CFH: variants seen among roughly 807,000 people sequenced by gnomAD.
The protein encoded by CFH is H factor 1 (complement).
A neutral mutation model predicts 147.3 loss-of-function variants in CFH; 53 were observed. The observed-to-expected ratio is 0.36, with a 90% CI of 0.29 to 0.45. The LOEUF is 0.45. CFH is among the 20% of genes least tolerant of loss of function. The pLI is 1.00. For synonymous variants in CFH, 536 were observed against 489.4 expected (o/e 1.10, Z -1.26); for missense variants, 1,380 against 1,498.0 (o/e 0.92, Z 1.30).
chr1:196,664,476 A>T (rs564657), intron 1 of CFH, among the ~76,000 whole-genome samples: 151,312 of 152,326 alleles, frequency 0.99, 75,154 homozygotes, highest in East Asian at 1. Flanking sequence ...AGACTTCGTG[A>T]GCCATAATGT....
chr1:196,740,937 T>C, intron 18 of CFH, 145 bp downstream of exon 18: 1 of 825,492 alleles, frequency 1.2e-6, no homozygotes, highest in Non-Finnish European at 2.0e-6. Context: ...ATTATAGCTG[T>C]AGTAATTAAA....
chr1:196,745,741 T>A, intron 20 of CFH, 76 bp from the exon 21 acceptor site: 1 of 1,595,364 alleles, frequency 6.3e-7, no homozygotes, highest in Admixed American at 1.7e-5. Flanking sequence ...CAGTGCTGTG[T>A]TTGCGTTTGC....
At chr1:196,663,820 G>A (rs1666985900) in intron 1 of CFH, among the ~76,000 whole-genome samples, 1 of 152,038 alleles carries the variant, frequency 6.6e-6, no homozygotes, top group African/African-American at 2.4e-5. Flanking sequence ...CTTATCCTGT[G>A]GGTGAATTCA....
At chr1:196,716,595 G>A (rs1208123112) in intron 11 of CFH, among the ~76,000 whole-genome samples, 1 of 152,052 alleles carries the variant, frequency 6.6e-6, no homozygotes, top group African/African-American at 2.4e-5. Context: ...GAAAGTGTGG[G>A]GACTGAGAGA....
intron 1 of CFH, among the ~76,000 whole-genome samples, chr1:196,671,284 C>A (rs1049104734): frequency 7.2e-5 from 11 of 151,942 alleles, no homozygotes; most frequent in African/African-American, 2.7e-4. Context: ...GTGTCTAGTT[C>A]TACTGAATAT....
chr1:196,683,620 A>C (rs1207560496), intron 6 of CFH, among the ~76,000 whole-genome samples: 1 of 151,784 alleles, frequency 6.6e-6, no homozygotes. Context: ...GGTAAGAAAG[A>C]GGGAAGGAAT....
At chr1:196,674,681 A>G (rs996067283) in intron 3 of CFH, among the ~76,000 whole-genome samples, 4 of 151,454 alleles carry the variant, frequency 2.6e-5, no homozygotes, top group African/African-American at 7.4e-5. Flanking sequence ...ATGGAATAAC[A>G]TTATTATTTC....
chr1:196,656,048 G>C (rs1163797033), intron 1 of CFH, among the ~76,000 whole-genome samples: 5 of 152,190 alleles, frequency 3.3e-5, no homozygotes, highest in African/African-American at 9.7e-5. Context: ...GCTCACACCT[G>C]TAATCCCAAC....
chr1:196,719,927 T>A (rs950510695), intron 11 of CFH, among the ~76,000 whole-genome samples: 4 of 151,102 alleles, frequency 2.6e-5, no homozygotes, highest in African/African-American at 9.7e-5. Flanking sequence ...TTTTTTATAT[T>A]TTTTTTAACT....
In CFH at chr1:196,692,711, TC is replaced by T. The variant is rs1558163447; in HGVS notation, c.1336+2473del. Reference sequence around the variant, plus strand: ...CTTTCTCTTTCCCTTCCTTTCTTTTTCTTTCTTTCTTTCTTTCTCTTTCCCT... The same window carrying T: ...CTTTCTCTTTCCCTTCCTTTCTTTTTTTTCTTTCTTTCTTTCTCTTTCCCT... On this transcript the variant is annotated intron_variant, in intron 9 of 21. Coordinates refer to ENST00000367429, the MANE Select transcript of CFH (RefSeq NM_000186.4). 2.2e-3 allele frequency among the ~76,000 whole-genome samples: 35 copies of T among 16,226 alleles called. 7 individuals are homozygous for T. The highest frequency in any genetic ancestry group is 0.036 in the East Asian group (1 of 28). 10.6% of individuals were successfully genotyped at this position (16,226 alleles called of 152,430 possible). A position where few individuals can be genotyped will look rare whatever the true frequency, so the allele number is the denominator to read the frequency against.
chr1:196,702,294 G>C (rs2149096816), intron 9 of CFH, among the ~76,000 whole-genome samples: 1 of 152,040 alleles, frequency 6.6e-6, no homozygotes, highest in Non-Finnish European at 1.5e-5. Context: ...CATTTAGGCA[G>C]GGTGTCACTT....
Position 196,713,883 on chromosome 1 carries a change from G to A in CFH, c.1485G>A (p.Gly495=), listed in dbSNP as rs1435349074. Residue 495 remains glycine, a synonymous_variant, in exon 10 of 22, where the codon GGG becomes GGA. Coordinates refer to ENST00000367429, the MANE Select transcript of CFH (RefSeq NM_000186.4). ...AAACATCAGGATCAATTACATGTGGGAAAGATGGATGGTCAGCTCAACCCA... is the reference window on the plus strand; with the variant it reads ...AAACATCAGGATCAATTACATGTGGAAAAGATGGATGGTCAGCTCAACCCA... ...DGETSGSITC[G]KDGWSAQPTC... 5 of 1,612,636 alleles carry A rather than the reference G, an allele frequency of 3.1e-6. No individual in the cohort carries two copies. Among genetic ancestry groups the A allele is most frequent in the Non-Finnish European group, 3.4e-6 (4 of 1,179,120 alleles).
Position 196,690,251 on chromosome 1 carries a change from A to G in CFH, c.1336+12A>G. On this transcript the variant is annotated intron_variant, in intron 9 of 21. Transcript: ENST00000367429. ...ATGCATCCGTGTCAGTAAGTACACT[A>G]CTCTGAAATCCTAGCATGTTCATGT... 1 of 1,612,802 alleles carries G rather than the reference A, an allele frequency of 6.2e-7. No individual in the cohort carries two copies. The highest frequency in any genetic ancestry group is 1.7e-4 in the Middle Eastern group (1 of 6,052).
At position 196,686,487 on chromosome 1, in the gene CFH, C is replaced by G. The variant is rs577551003; in HGVS notation, c.964+1250C>G. ...CCTTTACCCCTTTTTAATGTTTTTT[C>G]TATCTCTACAATCAAATTTCTTTTC... On this transcript the variant is annotated intron_variant, in intron 7 of 21. Transcript: ENST00000367429. Among the ~76,000 whole-genome samples the G allele has an allele frequency of 2.6e-5, 4 of 152,052 alleles. No individual in the cohort carries two copies. The East Asian group carries it at 7.8e-4, about 30-fold the overall frequency.
intron 1 of CFH, among the ~76,000 whole-genome samples, chr1:196,663,416 T>C (rs1329054420): frequency 6.6e-6 from 1 of 152,226 alleles, no homozygotes; most frequent in Admixed American, 6.5e-5. Flanking sequence ...TATTTGGTTC[T>C]TTTTAAAATC....
chr1:196,718,067 A>G (rs1668913744), intron 11 of CFH, among the ~76,000 whole-genome samples: 1 of 152,072 alleles, frequency 6.6e-6, no homozygotes, highest in Non-Finnish European at 1.5e-5. Flanking sequence ...AAAGAGAATG[A>G]GTACATTGTA....
intron 9 of CFH, among the ~76,000 whole-genome samples, chr1:196,703,422 A>G (rs1204320263): frequency 6.6e-6 from 1 of 152,136 alleles, no homozygotes; most frequent in Non-Finnish European, 1.5e-5. Flanking sequence ...AGAGATACTA[A>G]AGAAAAAGAC....
intron 6 of CFH, among the ~76,000 whole-genome samples, chr1:196,683,820 CTTA>C (rs1667735922): frequency 6.6e-6 from 1 of 151,682 alleles, no homozygotes; most frequent in Non-Finnish European, 1.5e-5. Flanking sequence ...TGAATGGAGA[CTTA>C]TTATCTGTTG....
rs56116390 is a variant in CFH, at chr1:196,726,810, C to T, written c.2106C>T (p.Ala702=). The T allele has an allele frequency of 2.5e-6, 4 of 1,613,692 alleles. No homozygotes were observed. The East Asian group carries it at 8.9e-5, about 36-fold the overall frequency. The part of the protein sequence containing the change: ...GDIPELEHGW[A]QLSSPPYYYG... ...TACCTGAACTTGAACATGGCTGGGC[C>T]CAGCTTTCTTCCCCTCCTTATTACT... Residue 702 remains alanine (A), a synonymous_variant, in exon 14 of 22, where the codon GCC becomes GCT. Transcript: ENST00000367429.
Sources: gnomAD v4.1 joint callset for allele counts (sites outside exome capture counted in the v4.1 genomes callset) on GRCh38, gnomAD v4.1.1 for gene constraint, MANE v1.5 for transcripts, NCBI Gene and HGNC (gene_info 2026-07-23, HGNC 2026-07-21) for gene names.